Variants in ITGBL1 observed in about 807,000 individuals in gnomAD.
The protein encoded by ITGBL1 is integrin beta-like protein 1.
In ITGBL1, 51 loss-of-function variants were observed where a neutral mutation model predicts 68.5. That is an observed-to-expected ratio of 0.74 (90% CI 0.59 to 0.94). ITGBL1 has a LOEUF of 0.94. ITGBL1 is among the 40% of genes least tolerant of loss of function. The pLI, the probability that ITGBL1 is intolerant of heterozygous loss-of-function variation, is 0.00. For missense variants in ITGBL1, 649 were observed against 647.4 expected, an observed-to-expected ratio of 1.00 and a Z score of -0.03; for synonymous variants, 209 against 227.3, an observed-to-expected ratio of 0.92 and a Z score of 0.72.
At chr13:101,457,792 A>G (rs9557658) in intron 2 of ITGBL1, among the ~76,000 whole-genome samples, 38,503 of 151,904 alleles carry the variant, frequency 0.25, 6,639 homozygotes, top group East Asian at 0.49. Context: ...CTCCAGCCTG[A>G]GTGACAGAAC....
rs1198375846 is a variant in ITGBL1, at chr13:101,624,723, G to T, written c.1015+26424G>T. ...CTTCAAATTCTGGTCCCTGCAACCA[G>T]CTGGAGCCACCCACAGATTCCCTTT... On this transcript the variant is annotated intron_variant, in intron 7 of 10. Transcript: ENST00000376180. Among the ~76,000 whole-genome samples, 3 of 152,152 alleles carry T rather than the reference G, an allele frequency of 2.0e-5. No homozygotes were observed. In the East Asian group the frequency reaches 5.8e-4, roughly 29 times the overall value.
rs1481372295 is a variant in ITGBL1, at chr13:101,614,392, A to C, written c.1015+16093A>C. Among the ~76,000 whole-genome samples the C allele has an allele frequency of 3.3e-5, 5 of 152,238 alleles. No individual in the cohort carries two copies. In the East Asian group the frequency reaches 9.6e-4, roughly 29 times the overall value. On this transcript the variant is annotated intron_variant, in intron 7 of 10. Coordinates refer to ENST00000376180, the MANE Select transcript of ITGBL1 (RefSeq NM_004791.3). ...ACCACAACAGTACTAATTGTTTTCC[A>C]TGTTGTCTTTTTTCCCATGCATATT...
chr13:101,631,024 C>T (rs966688599), intron 7 of ITGBL1, among the ~76,000 whole-genome samples: 2 of 152,152 alleles, frequency 1.3e-5, no homozygotes, highest in Admixed American at 6.6e-5. Flanking sequence ...ATATGTTGAT[C>T]ACTCTGTCCT....
At chr13:101,616,481 C>T (rs889803361) in intron 7 of ITGBL1, among the ~76,000 whole-genome samples, 32 of 152,088 alleles carry the variant, frequency 2.1e-4, no homozygotes, top group Admixed American at 5.9e-4. Flanking sequence ...AGTTTTCTTT[C>T]TTTTTCTTTT....
At position 101,603,470 on chromosome 13, in the gene ITGBL1, C is replaced by G. The variant is rs370308133; in HGVS notation, c.1015+5171C>G. 3.3e-5 allele frequency among the ~76,000 whole-genome samples: 5 copies of G among 151,916 alleles called. No individual in the cohort carries two copies. In the East Asian group the frequency reaches 9.6e-4, roughly 29 times the overall value. On this transcript the variant is annotated intron_variant, in intron 7 of 10. Transcript: ENST00000376180. ...CCCCAGACAGGAACCATTGTTCTATCTGCATTGGAATATTGTCATTATAGT... is the reference window on the plus strand; with the variant it reads ...CCCCAGACAGGAACCATTGTTCTATGTGCATTGGAATATTGTCATTATAGT...
intron 2 of ITGBL1, among the ~76,000 whole-genome samples, chr13:101,532,058 T>C (rs2049492803): frequency 6.6e-6 from 1 of 152,092 alleles, no homozygotes; most frequent in Non-Finnish European, 1.5e-5. Flanking sequence ...TAATTTACTC[T>C]CCAATATTCA....
chr13:101,667,221 A>G (rs545776911), intron 7 of ITGBL1, among the ~76,000 whole-genome samples: 15 of 152,322 alleles, frequency 9.8e-5, no homozygotes, highest in African/African-American at 3.6e-4. Context: ...TGGCCTTCCA[A>G]GCTTGTTTTT....
At chr13:101,662,266 G>C (rs1465985659) in intron 7 of ITGBL1, among the ~76,000 whole-genome samples, 1 of 152,060 alleles carries the variant, frequency 6.6e-6, no homozygotes, top group Non-Finnish European at 1.5e-5. Context: ...GAATGTTCTT[G>C]ACAATTAGCA....
intron 9 of ITGBL1, 49 bp downstream of exon 9, chr13:101,706,951 A>G: frequency 6.3e-7 from 1 of 1,579,710 alleles, no homozygotes; most frequent in South Asian, 1.1e-5. Flanking sequence ...CTGACACATG[A>G]TTTGTAGAAC....
At chr13:101,589,344 C>T (rs759020089) in intron 6 of ITGBL1, among the ~76,000 whole-genome samples, 43 of 152,182 alleles carry the variant, frequency 2.8e-4, no homozygotes, top group Non-Finnish European at 5.9e-4. Context: ...ACCAGTTCTA[C>T]TCTCCCCAGA....
intron 7 of ITGBL1, among the ~76,000 whole-genome samples, chr13:101,618,940 A>G (rs1294638635): frequency 6.6e-6 from 1 of 152,056 alleles, no homozygotes; most frequent in Admixed American, 6.6e-5. Flanking sequence ...TGATAGAGGG[A>G]TGGTAGCGTT....
chr13:101,620,032 A>G (rs1003752867), intron 7 of ITGBL1, among the ~76,000 whole-genome samples: 1 of 152,178 alleles, frequency 6.6e-6, no homozygotes, highest in Non-Finnish European at 1.5e-5. Context: ...ACACATTAAC[A>G]TATTTTAACC....
At chr13:101,587,802 C>A (rs1381045012) in intron 6 of ITGBL1, among the ~76,000 whole-genome samples, 1 of 152,048 alleles carries the variant, frequency 6.6e-6, no homozygotes, top group African/African-American at 2.4e-5. Context: ...TATATCCAGA[C>A]CACATTTTCT....
chr13:101,454,841 C>T (rs921641818), intron 2 of ITGBL1, among the ~76,000 whole-genome samples: 1 of 152,152 alleles, frequency 6.6e-6, no homozygotes, highest in Non-Finnish European at 1.5e-5. Flanking sequence ...ACTGTTCTTG[C>T]ATTGTTCTAG....
In ITGBL1 at chr13:101,671,437, G is replaced by GTTTTTTTTTTTT. The variant is rs1491455482; in HGVS notation, c.1016-21139_1016-21138insTTTTTTTTTTTT. ...AAAAGTATACCTTTGTTTTTTTTTT[G>GTTTTTTTTTTTT]TTTTTTTTTGTTTTTTTTTGAGACG... On this transcript the variant is annotated intron_variant, in intron 7 of 10. Transcript: ENST00000376180. Among the ~76,000 whole-genome samples the GTTTTTTTTTTTT allele has an allele frequency of 2.7e-3, 276 of 102,800 alleles. 3 individuals carry two copies. The highest frequency in any genetic ancestry group is 4.0e-3 in the Non-Finnish European group (212 of 53,072). 67.4% of individuals were successfully genotyped at this position (102,800 alleles called of 152,430 possible). A position where few individuals can be genotyped will look rare whatever the true frequency, so the allele number is the denominator to read the frequency against.
At chr13:101,607,841 C>T (rs543814185) in intron 7 of ITGBL1, among the ~76,000 whole-genome samples, 1 of 151,982 alleles carries the variant, frequency 6.6e-6, no homozygotes, top group African/African-American at 2.4e-5. Context: ...ATCATCAAAA[C>T]GAATGATTTA....
At chr13:101,695,854 T>C (rs2033989291) in intron 8 of ITGBL1, among the ~76,000 whole-genome samples, 1 of 152,228 alleles carries the variant, frequency 6.6e-6, no homozygotes, top group African/African-American at 2.4e-5. Context: ...TTATGATTGA[T>C]AAGTTTCAAC....
At chr13:101,453,461 C>G (rs1235262667) in intron 1 of ITGBL1, among the ~76,000 whole-genome samples, 3 of 152,174 alleles carry the variant, frequency 2.0e-5, no homozygotes, top group Non-Finnish European at 4.4e-5. Context: ...ATATAAGTGC[C>G]CATTGGCCAT....
intron 7 of ITGBL1, among the ~76,000 whole-genome samples, chr13:101,629,604 A>C (rs1053949685): frequency 1.3e-5 from 2 of 152,086 alleles, no homozygotes; most frequent in African/African-American, 4.8e-5. Context: ...ATCTTTACTC[A>C]CTGGAAATTA....
Sources: gnomAD v4.1 joint callset for allele counts (sites outside exome capture counted in the v4.1 genomes callset) on GRCh38, gnomAD v4.1.1 for gene constraint, MANE v1.5 for transcripts, NCBI Gene and HGNC (gene_info 2026-07-23, HGNC 2026-07-21) for gene names.